The following SOX6 variants were observed in gnomAD, a reference collection of about 807,000 sequenced individuals.
SOX6 encodes SRY-box transcription factor 6, also known as transcription factor SOX-6.
Under a neutral mutation model 97.8 loss-of-function variants are expected in SOX6, and 11 were observed. The ratio of observed to expected loss-of-function variants is 0.11; its 90% CI spans 0.07 to 0.19. The LOEUF (loss-of-function observed/expected upper bound fraction) is 0.19. SOX6 is among the 10% of genes least tolerant of loss of function. SOX6 has a pLI of 1.00. For synonymous variants in SOX6, 360 were observed against 371.4 expected, an observed-to-expected ratio of 0.97 and a Z score of 0.35; for missense variants, 810 against 1,039.5, an observed-to-expected ratio of 0.78 and a Z score of 3.04.
chr11:16,529,626 C>G (rs1289939206), intron 4 of SOX6, among the ~76,000 whole-genome samples: 1 of 152,028 alleles, frequency 6.6e-6, no homozygotes, highest in Non-Finnish European at 1.5e-5. Context: ...CTATATTTAC[C>G]TATCATGGCT....
At chr11:16,324,460 G>A (rs1856013695) in intron 2 of SOX6, among the ~76,000 whole-genome samples, 1 of 152,138 alleles carries the variant, frequency 6.6e-6, no homozygotes, top group Non-Finnish European at 1.5e-5. Context: ...TCTATATGAT[G>A]AAATGTTTTG....
chr11:16,388,325 T>C (rs1231562310), intron 1 of SOX6, among the ~76,000 whole-genome samples: 1 of 152,172 alleles, frequency 6.6e-6, no homozygotes, highest in Non-Finnish European at 1.5e-5. Context: ...GCTATTGTTT[T>C]GTTAAAGATT....
chr11:16,032,871 T>C (rs1287658682), intron 12 of SOX6, among the ~76,000 whole-genome samples: 1 of 152,176 alleles, frequency 6.6e-6, no homozygotes, highest in Non-Finnish European at 1.5e-5. Flanking sequence ...AGCCTGCCTG[T>C]CCTTCCTTTG....
rs1472002200 is a variant in SOX6, at chr11:16,610,965, G to T, written n.609+1116C>A. Among the ~76,000 whole-genome samples, 3 of 152,184 alleles carry T rather than the reference G, an allele frequency of 2.0e-5. No homozygotes were observed. Among genetic ancestry groups the T allele is most frequent in the Admixed American group, 1.3e-4 (2 of 15,286 alleles). On this transcript the variant is annotated intron_variant and non_coding_transcript_variant, in intron 4 of 5. Transcript: ENST00000524520. This position sits in a 1 kb window ranked among gnomAD's most constrained non-coding sequence, Gnocchi z 4.4. ...TCCCCTGGGGGTTGGAGCCCCACGC[G>T]GCGCAAGAACCCCGGGCGCTGAGCT...
At chr11:16,330,122 T>C (rs974569936) in intron 2 of SOX6, among the ~76,000 whole-genome samples, 3 of 152,174 alleles carry the variant, frequency 2.0e-5, no homozygotes, top group African/African-American at 7.2e-5. Flanking sequence ...ATATACTCAG[T>C]ACTGTCTGAA....
intron 3 of SOX6, among the ~76,000 whole-genome samples, chr11:16,693,233 G>A (rs1472460951): frequency 1.3e-5 from 2 of 152,088 alleles, no homozygotes; most frequent in Non-Finnish European, 2.9e-5. Context: ...ACCATACCCT[G>A]AACAGCATTA....
At chr11:16,720,891 G>A (rs775546693) in intron 2 of SOX6, among the ~76,000 whole-genome samples, 2 of 151,992 alleles carry the variant, frequency 1.3e-5, no homozygotes, top group South Asian at 2.1e-4. Context: ...GTAACTTTTC[G>A]AAGTTGAGAA....
At chr11:16,352,826 T>C (rs1856984192) in intron 1 of SOX6, among the ~76,000 whole-genome samples, 1 of 152,008 alleles carries the variant, frequency 6.6e-6, no homozygotes, top group Non-Finnish European at 1.5e-5. Flanking sequence ...TTAACAACTT[T>C]AAAAAAGAGA....
Position 16,349,249 on chromosome 11 carries a change from A to T in SOX6, c.-5+6845T>A, listed in dbSNP as rs538555795. The stretch of plus-strand genomic sequence containing the variant: ...TATCATTCCTTCTAATACAGCAAAA[A>T]CTCTAATCATTCTCCAAATACTCTA... On this transcript the variant is annotated intron_variant, in intron 1 of 15. Transcript: ENST00000683767. Among the ~76,000 whole-genome samples the T allele has an allele frequency of 3.3e-5, 5 of 152,190 alleles. No homozygotes were observed. The East Asian group carries it at 9.7e-4, about 29-fold the overall frequency.
chr11:16,495,800 C>T (rs1401492968), intron 4 of SOX6, among the ~76,000 whole-genome samples: 2 of 152,178 alleles, frequency 1.3e-5, no homozygotes, highest in Non-Finnish European at 2.9e-5. Flanking sequence ...CCACTAACAC[C>T]AGTGCCAATG....
intron 13 of SOX6, among the ~76,000 whole-genome samples, chr11:15,990,382 G>A (rs1854012187): frequency 6.6e-6 from 1 of 151,576 alleles, no homozygotes; most frequent in African/African-American, 2.4e-5. Context: ...TAACATCTAT[G>A]AAACTATGCC....
Position 16,144,597 on chromosome 11 carries a change from C to T in SOX6, c.778-32674G>A, listed in dbSNP as rs553178200. 1.6e-3 allele frequency among the ~76,000 whole-genome samples: 249 copies of T among 151,998 alleles called. 1 individual carries two copies. The highest frequency in any genetic ancestry group is 5.4e-3 in the African/African-American group (226 of 41,476). ...GAAAAGATCAACAAAATTGATAGAACGCTAGCAAGACTAATAAAGAAGAAA... is the reference window on the plus strand; with the variant it reads ...GAAAAGATCAACAAAATTGATAGAATGCTAGCAAGACTAATAAAGAAGAAA... On this transcript the variant is annotated intron_variant, in intron 6 of 15. Coordinates refer to ENST00000683767, the MANE Select transcript of SOX6 (RefSeq NM_001367873.1).
intron 6 of SOX6, among the ~76,000 whole-genome samples, chr11:16,177,621 A>ATCTC (rs71044087): frequency 0.018 from 2,571 of 145,716 alleles, 35 homozygotes; most frequent in African/African-American, 0.034. Context: ...GAATAAGATG[A>ATCTC]TCTCTCTCTC....
chr11:16,191,826 A>G (rs1160441316), intron 4 of SOX6, among the ~76,000 whole-genome samples: 3 of 151,530 alleles, frequency 2.0e-5, no homozygotes, highest in Non-Finnish European at 2.9e-5. Context: ...TCCAACTCCA[A>G]AGACAGTGCA....
rs575914256 is a variant in SOX6 at position 16,292,367 on chromosome 11, G to A, written c.445+26079C>T. Among the ~76,000 whole-genome samples the A allele has an allele frequency of 8.5e-5, 13 of 152,174 alleles. No homozygotes were observed. In the South Asian group the frequency reaches 2.3e-3, roughly 27 times the overall value. On this transcript the variant is annotated intron_variant, in intron 3 of 15. Coordinates refer to ENST00000683767, the MANE Select transcript of SOX6 (RefSeq NM_001367873.1). ...TTTATAAGTAAGGTGGTAATCTGGC[G>A]CTTTGGAAGGCTTATCTACAACACA...
intron 3 of SOX6, among the ~76,000 whole-genome samples, chr11:16,675,627 T>C (rs564345111): frequency 6.6e-6 from 1 of 152,362 alleles, no homozygotes; most frequent in South Asian, 2.1e-4. Flanking sequence ...TTTGTCATTT[T>C]TTGTAGGTAA....
Position 16,064,545 on chromosome 11 carries a change from T to C in SOX6, c.1102-8644A>G, listed in dbSNP as rs536243416. On this transcript the variant is annotated intron_variant, in intron 9 of 15. Coordinates refer to ENST00000683767, the MANE Select transcript of SOX6 (RefSeq NM_001367873.1). ...ATATATATATATATATGAAGCCATA[T>C]ATATATATGAAGCCATATATATATA... Among the ~76,000 whole-genome samples, 383 of 151,484 alleles carry C rather than the reference T, an allele frequency of 2.5e-3. 1 individual carries two copies. The highest frequency in any genetic ancestry group is 8.9e-3 in the African/African-American group (367 of 41,296).
intron 13 of SOX6, among the ~76,000 whole-genome samples, chr11:15,991,827 G>A (rs186640241): frequency 3.3e-5 from 5 of 152,240 alleles, no homozygotes; most frequent in Admixed American, 2.0e-4. Flanking sequence ...TACCAATAGA[G>A]TCTCCCAGAT....
At position 16,253,230 on chromosome 11, in the gene SOX6, T is replaced by C. The variant is rs1429822822; in HGVS notation, c.446-18559A>G. 2.0e-5 allele frequency among the ~76,000 whole-genome samples: 3 copies of C among 151,676 alleles called. No homozygotes were observed. The South Asian group carries it at 6.3e-4, about 32-fold the overall frequency. ...CGGGCATGGTGGTGCATGCCTACAA[T>C]CCCAGCTATTCAGGAGGCTGAGGTA... On this transcript the variant is annotated intron_variant, in intron 3 of 15. Coordinates refer to ENST00000683767, the MANE Select transcript of SOX6 (RefSeq NM_001367873.1).
Sources: gnomAD v4.1 joint callset for allele counts (sites outside exome capture counted in the v4.1 genomes callset) on GRCh38, gnomAD v4.1.1 for gene constraint, Gnocchi (gnomAD v3.1) non-coding constraint, MANE v1.5 for transcripts, NCBI Gene and HGNC (gene_info 2026-07-23, HGNC 2026-07-21) for gene names.